METTL3: variants seen among roughly 807,000 people sequenced by gnomAD.
The protein encoded by METTL3 is methyltransferase 3, N6-adenosine-methyltransferase complex catalytic subunit.
In METTL3, 42 loss-of-function variants were observed where a neutral mutation model predicts 64.3. The observed-to-expected ratio is 0.65, with a 90% CI of 0.51 to 0.84. METTL3 has a LOEUF of 0.84. Ranked by LOEUF, METTL3 falls within the 40% of genes least tolerant of loss-of-function variation. The pLI is 0.00. For synonymous variants in METTL3, 256 were observed against 263.6 expected, an observed-to-expected ratio of 0.97 and a Z score of 0.28; for missense variants, 435 against 722.3, an observed-to-expected ratio of 0.60 and a Z score of 4.56.
chr14:21,501,585 G>T, intron 4 of METTL3, 143 bp downstream of exon 4: 2 of 1,004,098 alleles, frequency 2.0e-6, no homozygotes, highest in Non-Finnish European at 2.9e-6. Flanking sequence ...ACTTCTGAAA[G>T]TACACCTTCA....
In METTL3 at chr14:21,511,327, G is replaced by A. The variant is rs1004926740; in HGVS notation, c.-104C>T. On this transcript the variant is annotated 5_prime_UTR_variant, in exon 1 of 11. Transcript: ENST00000298717. ...CAATTCTCACGCGGACACCCCGAAG[G>A]CTAACCGGAAAATGACCCCTGGAGC... The A allele has an allele frequency of 1.4e-6, 2 of 1,475,276 alleles. No individual in the cohort carries two copies. Among genetic ancestry groups the A allele is most frequent in the African/African-American group, 2.8e-5 (2 of 70,372 alleles). 91.4% of individuals were successfully genotyped at this position (1,475,276 alleles called of 1,614,324 possible).
chr14:21,503,136 A>T (rs1258404633), intron 3 of METTL3, 37 bp downstream of exon 3: 1 of 1,563,658 alleles, frequency 6.4e-7, no homozygotes, highest in Non-Finnish European at 8.7e-7. Context: ...GCTATAATTA[A>T]GAGCATATTG....
At position 21,503,441 on chromosome 14, in the gene METTL3, T is replaced by C; in HGVS notation, c.455A>G (p.Lys152Arg). The change falls in exon 3 of 11, where the codon AAG (lysine) becomes AGG (arginine). Residue 152 changes from lysine (K) to arginine (R), a missense_variant. Around this residue, in one of 9 missense-constraint regions of METTL3, gnomAD observed 228 missense variants for 279.6 expected, o/e 0.82. Coordinates refer to ENST00000298717, the MANE Select transcript of METTL3 (RefSeq NM_019852.5). ...CACAGCACCCATCATGGCAGAGAGCTTGGAATGGTCAGCATAGGTTACAAG... is the reference window on the plus strand; with the variant it reads ...CACAGCACCCATCATGGCAGAGAGCCTGGAATGGTCAGCATAGGTTACAAG... ...PTLVTYADHS[K>R]LSAMMGAVAE... 6.2e-7 allele frequency: 1 copy of C among 1,614,050 alleles called. No individual in the cohort carries two copies. Among genetic ancestry groups the C allele is most frequent in the Non-Finnish European group, 8.5e-7 (1 of 1,180,022 alleles).
At chr14:21,501,546 G>A in intron 4 of METTL3, 182 bp downstream of exon 4, 1 of 737,666 alleles carries the variant, frequency 1.4e-6, no homozygotes, top group African/African-American at 1.8e-5. Context: ...TTATTTGGGA[G>A]TACAGCCTGT....
At chr14:21,505,945 G>T (rs114624357) in intron 1 of METTL3, among the ~76,000 whole-genome samples, 1 of 152,100 alleles carries the variant, frequency 6.6e-6, no homozygotes, top group African/African-American at 2.4e-5. Context: ...ATCCTTAAAC[G>T]TGTCAACATC....
intron 1 of METTL3, among the ~76,000 whole-genome samples, chr14:21,507,386 G>A (rs573275205): frequency 1.1e-4 from 16 of 152,176 alleles, no homozygotes; most frequent in Admixed American, 2.0e-4. Context: ...GTGGCCGGGC[G>A]CGGTGGCTCA....
chr14:21,508,263 T>TAA (rs1891746593), intron 1 of METTL3: 1 of 150,230 alleles, frequency 6.7e-6, no homozygotes, highest in Non-Finnish European at 1.5e-5. Context: ...ATTCTTATCT[T>TAA]ACACACACAC....
chr14:21,498,586 G>C, intron 10 of METTL3: 1 of 575,586 alleles, frequency 1.7e-6, no homozygotes, highest in Non-Finnish European at 3.0e-6. Flanking sequence ...TTATCTGAGG[G>C]TTAGTAACTA....
At position 21,499,075 on chromosome 14, in the gene METTL3, G is replaced by A; in HGVS notation, c.1581C>T (p.Gly527=). 6.2e-7 allele frequency: 1 copy of A among 1,614,156 alleles called. No homozygotes were observed. Among genetic ancestry groups the A allele is most frequent in the African/African-American group, 1.3e-5 (1 of 75,024 alleles). The change falls in exon 10 of 11, where the codon GGC becomes GGT. Residue 527 remains glycine, a synonymous_variant. Transcript: ENST00000298717. ...IYGMIERLSP[G]TRKIELFGRP... is the part of the protein sequence containing the mutation. ...GTCCAAATAACTCAATCTTGCGAGT[G>A]CCAGGAGATAGTCTTTCAATCATGC... is the stretch of plus-strand genomic sequence containing the variant.
intron 10 of METTL3, chr14:21,498,693 T>C (rs533036340): frequency 6.5e-6 from 3 of 464,880 alleles, no homozygotes; most frequent in East Asian, 3.8e-5. Flanking sequence ...TGTTAAGGGG[T>C]GAAAGATGTA....
intron 1 of METTL3, chr14:21,510,466 G>A (rs1891805520): frequency 6.6e-6 from 1 of 152,202 alleles, no homozygotes; most frequent in South Asian, 2.1e-4. Context: ...CTGAGGGTAG[G>A]GAGTGGATAA....
intron 1 of METTL3, chr14:21,508,291 TTAGCTATATTAC>T: frequency 6.6e-6 from 1 of 152,048 alleles, no homozygotes; most frequent in Non-Finnish European, 1.5e-5. Flanking sequence ...GAAAAGGGTC[TTAGCTATATTAC>T]TAGCTAAATA....
intron 6 of METTL3, 148 bp from the exon 7 acceptor site, chr14:21,499,950 A>T: frequency 1.4e-6 from 1 of 720,088 alleles, no homozygotes; most frequent in Non-Finnish European, 2.4e-6. Context: ...TGGTGGATCT[A>T]AGAACGAAAA....
At position 21,501,885 on chromosome 14, in the gene METTL3, C is replaced by G; in HGVS notation, c.742G>C (p.Glu248Gln). Residue 248 changes from glutamate (E) to glutamine (Q), a missense_variant, in exon 4 of 11, where the codon GAG becomes CAG. Glu to Gln is a conservative substitution (Grantham distance 29). Coordinates refer to ENST00000298717, the MANE Select transcript of METTL3 (RefSeq NM_019852.5). ...TTGGCTGTTGTAGTATTTAATAGCT[C>G]TAGGATCTCCTGACTGACCTGTGAC... ...QSKKVSQEIL[E>Q]LLNTTTAKEQ... 1 of 1,614,056 alleles carries G rather than the reference C, an allele frequency of 6.2e-7. No homozygotes were observed. Among genetic ancestry groups the G allele is most frequent in the Non-Finnish European group, 8.5e-7 (1 of 1,179,986 alleles).
Position 21,499,385 on chromosome 14 carries a change from A to G in METTL3, c.1453-14T>C. 8.1e-6 allele frequency: 13 copies of G among 1,614,168 alleles called. No individual in the cohort carries two copies. Among genetic ancestry groups the G allele is most frequent in the Non-Finnish European group, 1.1e-5 (13 of 1,179,990 alleles). On this transcript the variant is annotated splice_polypyrimidine_tract_variant and intron_variant, in intron 8 of 10. Coordinates refer to ENST00000298717, the MANE Select transcript of METTL3 (RefSeq NM_019852.5). ...TTTGACACCAACCTGCTCACCACAG[A>G]TAACAGATTACCTTATGAAACCACA...
intron 1 of METTL3, among the ~76,000 whole-genome samples, chr14:21,508,722 C>G (rs1170464804): frequency 6.6e-6 from 1 of 152,030 alleles, no homozygotes. Context: ...TGGAGAAACC[C>G]CGTCTCTACT....
At chr14:21,501,194 A>C (rs1891560513) in intron 4 of METTL3, 65 bp from the exon 5 acceptor site, 1 of 1,233,860 alleles carries the variant, frequency 8.1e-7, no homozygotes, top group Non-Finnish European at 1.2e-6. Flanking sequence ...TTCAAATTCC[A>C]AATGATTTCA....
At position 21,499,134 on chromosome 14, in the gene METTL3, G is replaced by A; in HGVS notation, c.1522C>T (p.Arg508Cys). The A allele has an allele frequency of 6.2e-7, 1 of 1,612,086 alleles. No individual in the cohort carries two copies. Among genetic ancestry groups the A allele is most frequent in the Non-Finnish European group, 8.5e-7 (1 of 1,178,236 alleles). ...LDCDVIVAEV[R>C]STSHKPDEIY... is the part of the protein sequence containing the mutation. ...TCATCTGGTTTATGACTGGTGGAACGAACCTAGGAAATAAAAACTAGCTGC... is the reference window on the plus strand; with the variant it reads ...TCATCTGGTTTATGACTGGTGGAACAAACCTAGGAAATAAAAACTAGCTGC... The change falls in exon 10 of 11, where the codon CGT becomes TGT. Residue 508 changes from arginine to cysteine, a missense_variant. Arg to Cys is a radical substitution (Grantham distance 180). Around this residue, in one of 9 missense-constraint regions of METTL3, gnomAD observed 38 missense variants for 102.3 expected, o/e 0.37. Coordinates refer to ENST00000298717, the MANE Select transcript of METTL3 (RefSeq NM_019852.5).
At chr14:21,501,598 G>T in intron 4 of METTL3, 130 bp downstream of exon 4, 1 of 1,112,340 alleles carries the variant, frequency 9.0e-7, no homozygotes. Flanking sequence ...CACCTTCAGG[G>T]TCTGGAGGAC....
Sources: allele counts gnomAD v4.1 joint callset (sites outside exome capture counted in the v4.1 genomes callset), GRCh38; gene constraint gnomAD v4.1.1; regional missense constraint gnomAD v4.1.1; transcripts MANE v1.5; gene names NCBI Gene and HGNC (gene_info 2026-07-23, HGNC 2026-07-21).